KLHDC4: variants seen among roughly 807,000 people sequenced by gnomAD.
KLHDC4 encodes kelch domain-containing protein 4.
A neutral mutation model predicts 62.4 loss-of-function variants in KLHDC4; 90 were observed. The ratio of observed to expected loss-of-function variants is 1.44; its 90% CI spans 1.22 to 1.72. The LOEUF (loss-of-function observed/expected upper bound fraction) is 1.72, where lower values mean the gene tolerates loss of function less well. KLHDC4 is among the 40% of genes most tolerant of loss of function. KLHDC4 has a pLI of 0.00. For missense variants in KLHDC4, 1,025 were observed against 699.7 expected (o/e 1.47, Z -5.25); for synonymous variants, 386 against 284.4 (o/e 1.36, Z -3.59).
At chr16:87,737,106 C>CAAAAAAAAAA (rs55787836) in intron 5 of KLHDC4, among the ~76,000 whole-genome samples, 4 of 64,816 alleles carry the variant, frequency 6.2e-5, no homozygotes, top group Non-Finnish European at 1.1e-4. Flanking sequence ...GCCTGGGCGA[C>CAAAAAAAAAA]AAAAAAAAAA....
At chr16:87,706,805 A>G (rs560629197), downstream of KLHDC4, among the ~76,000 whole-genome samples, 14 of 152,264 alleles carry the variant, frequency 9.2e-5, no homozygotes, top group African/African-American at 2.4e-4. Flanking sequence ...TTCTCAAGCC[A>G]TCGCCCCAAG....
At chr16:87,750,103 C>T (rs964608961) in intron 4 of KLHDC4, 1 of 152,224 alleles carries the variant, frequency 6.6e-6, no homozygotes, top group Non-Finnish European at 1.5e-5. Flanking sequence ...CCTCTCAGGG[C>T]CCCCAAGAAC....
intron 4 of KLHDC4, among the ~76,000 whole-genome samples, chr16:87,749,250 T>G (rs1281018809): frequency 6.6e-6 from 1 of 152,078 alleles, no homozygotes; most frequent in Admixed American, 6.6e-5. Context: ...AAGTACAATG[T>G]GCACGTAAAA....
At chr16:87,714,423 A>C in intron 8 of KLHDC4, 75 bp downstream of exon 8, 1 of 1,309,102 alleles carries the variant, frequency 7.6e-7, no homozygotes, top group South Asian at 1.3e-5. Flanking sequence ...CCCCACATCC[A>C]TGGGAGGGTG....
chr16:87,709,733 C>G (rs1319775559), intron 9 of KLHDC4, 66 bp from the exon 10 acceptor site: 1 of 1,468,990 alleles, frequency 6.8e-7, no homozygotes, highest in Non-Finnish European at 9.1e-7. Context: ...CCTGCTATGC[C>G]CACAAGGCCA....
intron 1 of KLHDC4, among the ~76,000 whole-genome samples, chr16:87,764,070 C>A (rs1182917178): frequency 2.6e-5 from 4 of 152,174 alleles, no homozygotes; most frequent in Admixed American, 6.6e-5. Flanking sequence ...GAGCAGAATT[C>A]CAAACTGTCC....
At chr16:87,706,713 C>T (rs572767155), downstream of KLHDC4, among the ~76,000 whole-genome samples, 105 of 152,354 alleles carry the variant, frequency 6.9e-4, 1 homozygote, top group African/African-American at 2.1e-3. Flanking sequence ...CCTGAACACC[C>T]GGCTGCACCA....
chr16:87,761,584 T>A (rs889980118), intron 2 of KLHDC4, among the ~76,000 whole-genome samples: 2 of 152,202 alleles, frequency 1.3e-5, no homozygotes, highest in African/African-American at 4.8e-5. Context: ...TACAAACACA[T>A]CAAAAGGCCA....
chr16:87,738,593 C>T (rs1242505120), intron 5 of KLHDC4, among the ~76,000 whole-genome samples: 7 of 146,226 alleles, frequency 4.8e-5, no homozygotes, highest in Admixed American at 6.8e-5. Flanking sequence ...CACACCAGCA[C>T]CTCATCCATC....
intron 5 of KLHDC4, among the ~76,000 whole-genome samples, chr16:87,732,897 C>T (rs879562290): frequency 7.1e-6 from 1 of 141,018 alleles, no homozygotes; most frequent in Non-Finnish European, 1.5e-5. Context: ...ATCCCAGCTT[C>T]TATAGGTGAA....
At chr16:87,719,219 A>C (rs965502246) in intron 7 of KLHDC4, among the ~76,000 whole-genome samples, 2 of 152,240 alleles carry the variant, frequency 1.3e-5, no homozygotes, top group African/African-American at 4.8e-5. Context: ...TGGTTTTGTC[A>C]AATAGAAAAG....
downstream of KLHDC4, among the ~76,000 whole-genome samples, chr16:87,706,433 G>T (rs2034732290): frequency 7.1e-6 from 1 of 141,114 alleles, no homozygotes; most frequent in Non-Finnish European, 1.5e-5. Flanking sequence ...CTCCAGGGGG[G>T]TCGGCGGAGG....
intron 5 of KLHDC4, among the ~76,000 whole-genome samples, chr16:87,740,352 G>C (rs1385494412): frequency 3.3e-5 from 5 of 152,226 alleles, no homozygotes; most frequent in African/African-American, 1.2e-4. Flanking sequence ...CCAGGGCTGA[G>C]CAGCACAACG....
chr16:87,709,045 G>A (rs903701835), intron 10 of KLHDC4, among the ~76,000 whole-genome samples: 163 of 152,376 alleles, frequency 1.1e-3, no homozygotes, highest in Non-Finnish European at 4.0e-4. Flanking sequence ...CGCAGCTCCC[G>A]TCAGCACCCG....
downstream of KLHDC4, among the ~76,000 whole-genome samples, chr16:87,704,776 C>T (rs1388243457): frequency 6.6e-6 from 1 of 151,072 alleles, no homozygotes; most frequent in East Asian, 1.9e-4. Context: ...AAACACAAAC[C>T]AACTGCCTGG....
chr16:87,763,510 CAGG>C (rs2046181567), intron 1 of KLHDC4: 2 of 152,112 alleles, frequency 1.3e-5, no homozygotes, highest in Non-Finnish European at 2.9e-5. Flanking sequence ...GAGGCTGAGG[CAGG>C]AGAATTGCTT....
chr16:87,731,969 G>T (rs997080468), intron 5 of KLHDC4, among the ~76,000 whole-genome samples: 1 of 152,234 alleles, frequency 6.6e-6, no homozygotes, highest in Non-Finnish European at 1.5e-5. Context: ...GCGTCTTAAA[G>T]GTGAGATCCG....
At chr16:87,754,462 C>A (rs571878563) in intron 4 of KLHDC4, among the ~76,000 whole-genome samples, 1 of 152,398 alleles carries the variant, frequency 6.6e-6, no homozygotes, top group Admixed American at 6.5e-5. Context: ...AGGTCCTCCT[C>A]ACCAAACCAA....
At chr16:87,734,564 G>C (rs2040946970) in intron 5 of KLHDC4, among the ~76,000 whole-genome samples, 1 of 152,124 alleles carries the variant, frequency 6.6e-6, no homozygotes, top group Admixed American at 6.5e-5. Flanking sequence ...CATCATATCA[G>C]CACCCCTTTC....
Sources: gnomAD v4.1 joint callset for allele counts (sites outside exome capture counted in the v4.1 genomes callset) on GRCh38, gnomAD v4.1.1 for gene constraint, MANE v1.5 for transcripts, NCBI Gene and HGNC (gene_info 2026-07-23, HGNC 2026-07-21) for gene names.